KAZN: variants seen among roughly 807,000 people sequenced by gnomAD.
KAZN encodes kazrin, periplakin interacting protein.
KAZN carries 40 observed loss-of-function variants against 87.4 expected under a neutral mutation model. That is an observed-to-expected ratio of 0.46 (90% CI 0.36 to 0.60). The LOEUF (loss-of-function observed/expected upper bound fraction) is 0.60. KAZN is among the 20% of genes least tolerant of loss of function. The pLI, the probability that KAZN is intolerant of heterozygous loss-of-function variation, is 0.00. For synonymous variants in KAZN, 466 were observed against 458.3 expected (o/e 1.02, Z -0.22); for missense variants, 898 against 1,073.9 (o/e 0.84, Z 2.29).
At chr1:14,557,383 G>C (rs2148521412) in intron 2 of KAZN, among the ~76,000 whole-genome samples, 1 of 152,086 alleles carries the variant, frequency 6.6e-6, no homozygotes, top group South Asian at 2.1e-4. Flanking sequence ...GCAGTCCCTG[G>C]ACTAAAAATC....
chr1:14,568,209 A>G (rs1196224827), intron 2 of KAZN, among the ~76,000 whole-genome samples: 1 of 152,190 alleles, frequency 6.6e-6, no homozygotes, highest in Admixed American at 6.5e-5. Context: ...CAAAGCTACG[A>G]TGTGAACTGC....
intron 2 of KAZN, among the ~76,000 whole-genome samples, chr1:14,385,625 G>C (rs1053177744): frequency 6.6e-6 from 1 of 152,158 alleles, no homozygotes; most frequent in Non-Finnish European, 1.5e-5. Flanking sequence ...GAGCGGTTTT[G>C]AGTGAGATTC....
intron 1 of KAZN, among the ~76,000 whole-genome samples, chr1:14,014,120 C>G (rs1035187027): frequency 1.3e-5 from 2 of 152,056 alleles, no homozygotes; most frequent in African/African-American, 4.8e-5. Flanking sequence ...ATGCCACCAC[C>G]CACCATTGAT....
At chr1:14,720,702 C>A (rs1006989065) in intron 1 of KAZN, among the ~76,000 whole-genome samples, 1 of 152,178 alleles carries the variant, frequency 6.6e-6, no homozygotes, top group South Asian at 2.1e-4. Flanking sequence ...TTCCTGTTTT[C>A]ATTTGCTGCT....
rs79139276 is a variant in KAZN, at chr1:14,626,876, C to A, written c.226+27653C>A. 5.4e-3 allele frequency among the ~76,000 whole-genome samples: 815 copies of A among 152,282 alleles called. 14 individuals are homozygous for A. The highest frequency in any genetic ancestry group is 0.019 in the African/African-American group (769 of 41,560). On this transcript the variant is annotated intron_variant, in intron 1 of 14. Coordinates refer to ENST00000376030, the MANE Select transcript of KAZN (RefSeq NM_201628.3). ...GTTCCCTGCTTTTCATGCAAAAAAA[C>A]ATTCCACTGATCCTTAAGTGCCACT...
intron 2 of KAZN, among the ~76,000 whole-genome samples, chr1:14,545,245 T>C (rs1673067753): frequency 6.6e-6 from 1 of 152,210 alleles, no homozygotes. Context: ...CTGACTTTAT[T>C]AACTTGATGC....
chr1:14,460,031 C>T (rs781579594), intron 2 of KAZN, among the ~76,000 whole-genome samples: 1 of 152,190 alleles, frequency 6.6e-6, no homozygotes, highest in Non-Finnish European at 1.5e-5. Context: ...TTCCCTTACC[C>T]ACCAGCTCCA....
intron 2 of KAZN, among the ~76,000 whole-genome samples, chr1:14,475,397 T>C (rs17402096): frequency 2.6e-5 from 4 of 152,124 alleles, no homozygotes; most frequent in Admixed American, 1.3e-4. Flanking sequence ...AAAGGTATAA[T>C]ACCTACTGAT....
chr1:14,006,708 C>T (rs1475546529), intron 1 of KAZN, among the ~76,000 whole-genome samples: 3 of 152,076 alleles, frequency 2.0e-5, no homozygotes, highest in Non-Finnish European at 2.9e-5. Context: ...ATTTTTATGC[C>T]AGTACCATCC....
chr1:14,349,483 A>C (rs1658358904), intron 2 of KAZN: 1 of 152,236 alleles, frequency 6.6e-6, no homozygotes, highest in Admixed American at 6.5e-5. Context: ...GGCAAGATGG[A>C]GAAGCAGCTG....
chr1:14,689,248 T>C (rs973970872), intron 1 of KAZN, among the ~76,000 whole-genome samples: 3 of 150,542 alleles, frequency 2.0e-5, no homozygotes, highest in Non-Finnish European at 4.4e-5. Flanking sequence ...ACAGAGTTGA[T>C]TGGTAAAACC....
At chr1:14,137,720 T>C (rs1350923687) in intron 1 of KAZN, among the ~76,000 whole-genome samples, 1 of 147,960 alleles carries the variant, frequency 6.8e-6, no homozygotes, top group African/African-American at 2.5e-5. Context: ...TTTTTTTTTT[T>C]TTTTTGAGAC....
chr1:13,976,502 T>C (rs1465316846), intron 1 of KAZN, among the ~76,000 whole-genome samples: 2 of 151,820 alleles, frequency 1.3e-5, no homozygotes, highest in Non-Finnish European at 2.9e-5. Context: ...ATTAAAAATA[T>C]CTAGGATGCT....
chr1:14,197,312 C>T (rs1646546674), intron 2 of KAZN, among the ~76,000 whole-genome samples: 1 of 146,724 alleles, frequency 6.8e-6, no homozygotes, highest in Non-Finnish European at 1.5e-5. Context: ...AATGCTCTTG[C>T]ACAGGTTGTC....
intron 1 of KAZN, among the ~76,000 whole-genome samples, chr1:14,129,352 G>C (rs1043413358): frequency 6.6e-6 from 1 of 152,172 alleles, no homozygotes; most frequent in African/African-American, 2.4e-5. Context: ...TGAACACTCT[G>C]CCAAGCCTAA....
At chr1:15,102,312 G>A (rs1049715450) in intron 11 of KAZN, among the ~76,000 whole-genome samples, 4 of 152,178 alleles carry the variant, frequency 2.6e-5, no homozygotes, top group Non-Finnish European at 5.9e-5. Flanking sequence ...CTCAGAGATA[G>A]CAACGACTAA....
intron 2 of KAZN, among the ~76,000 whole-genome samples, chr1:14,335,796 G>C (rs1007704446): frequency 6.6e-6 from 1 of 152,158 alleles, no homozygotes; most frequent in Non-Finnish European, 1.5e-5. Context: ...GAAATTCAGA[G>C]ATAGAGATGG....
intron 4 of KAZN, among the ~76,000 whole-genome samples, chr1:15,054,205 A>C (rs188154826): frequency 5.4e-4 from 82 of 151,792 alleles, no homozygotes; most frequent in African/African-American, 1.9e-3. Flanking sequence ...TGTTGTTGTT[A>C]ATCTGTGTTC....
At chr1:14,862,588 A>C (rs1311819663) in intron 1 of KAZN, among the ~76,000 whole-genome samples, 4 of 152,170 alleles carry the variant, frequency 2.6e-5, no homozygotes, top group African/African-American at 9.7e-5. Flanking sequence ...GCAGGGAGTG[A>C]AGATGATTTA....
Sources: gnomAD v4.1 joint callset for allele counts (sites outside exome capture counted in the v4.1 genomes callset) on GRCh38, gnomAD v4.1.1 for gene constraint, MANE v1.5 for transcripts, NCBI Gene and HGNC (gene_info 2026-07-23, HGNC 2026-07-21) for gene names.